The following PIK3AP1 variants were observed in gnomAD, a reference collection of about 807,000 sequenced individuals.
PIK3AP1 encodes the protein phosphoinositide-3-kinase adaptor protein 1, also known as phosphoinositide 3-kinase adapter protein 1.
PIK3AP1 carries 21 observed loss-of-function variants against 88.1 expected under a neutral mutation model. That is an observed-to-expected ratio of 0.24 (90% CI 0.17 to 0.34). PIK3AP1 has a LOEUF of 0.34. PIK3AP1 is among the 10% of genes least tolerant of loss of function. The probability of loss-of-function intolerance (pLI) is 1.00; values close to 1 mark genes in which losing one functional copy is unlikely to be tolerated. For synonymous variants in PIK3AP1, 398 were observed against 400.0 expected (o/e 1.00, Z 0.06); for missense variants, 828 against 1,035.7 (o/e 0.80, Z 2.75).
chr10:96,687,356 G>A (rs1032979460), intron 2 of PIK3AP1, among the ~76,000 whole-genome samples: 2 of 151,402 alleles, frequency 1.3e-5, no homozygotes, highest in Non-Finnish European at 2.9e-5. Flanking sequence ...CACAGAGCCT[G>A]GTCCATGGTG....
intron 3 of PIK3AP1, among the ~76,000 whole-genome samples, chr10:96,656,220 A>T (rs1212308198): frequency 6.6e-6 from 1 of 152,262 alleles, no homozygotes; most frequent in Non-Finnish European, 1.5e-5. Context: ...GGTAGGATTC[A>T]AATGGCAGTG....
At chr10:96,626,595 C>A in intron 10 of PIK3AP1, 113 bp downstream of exon 10, 1 of 1,166,958 alleles carries the variant, frequency 8.6e-7, no homozygotes, top group Non-Finnish European at 1.2e-6. Context: ...TGGTTGAAGA[C>A]CATTTAGAAG....
chr10:96,707,042 A>T (rs1194631503), intron 2 of PIK3AP1, among the ~76,000 whole-genome samples: 1 of 152,162 alleles, frequency 6.6e-6, no homozygotes, highest in Non-Finnish European at 1.5e-5. Flanking sequence ...GCTTATTTTA[A>T]TCTCCCATTA....
Position 96,720,266 on chromosome 10 carries a change from G to T in PIK3AP1, c.13+116C>A. ...GAACATAGAAAAGAGCAGAAAGAGGGCAAGATCCCCGCACAGAGGACGCAA... is the reference window on the plus strand; with the variant it reads ...GAACATAGAAAAGAGCAGAAAGAGGTCAAGATCCCCGCACAGAGGACGCAA... On this transcript the variant is annotated intron_variant, in intron 1 of 16. Coordinates refer to ENST00000339364, the MANE Select transcript of PIK3AP1 (RefSeq NM_152309.3). The surrounding 1 kb of genome is among the most constrained non-coding windows in gnomAD (Gnocchi z 4.6). The T allele has an allele frequency of 9.6e-7, 1 of 1,040,606 alleles. No homozygotes were observed. Among genetic ancestry groups the T allele is most frequent in the Non-Finnish European group, 1.2e-6 (1 of 809,292 alleles). The allele number at this position is 1,040,606 out of a possible 1,614,324, so 64.5% of individuals were successfully genotyped here.
At chr10:96,651,467 T>C in intron 5 of PIK3AP1, 42 bp downstream of exon 5, 1 of 1,614,024 alleles carries the variant, frequency 6.2e-7, no homozygotes, top group Non-Finnish European at 8.5e-7. Flanking sequence ...TGAGCAGAAA[T>C]TACATGCCCA....
Position 96,716,186 on chromosome 10 carries a change from C to A in PIK3AP1, c.13+4196G>T, listed in dbSNP as rs1172481. On this transcript the variant is annotated intron_variant, in intron 1 of 16. Coordinates refer to ENST00000339364, the MANE Select transcript of PIK3AP1 (RefSeq NM_152309.3). ...AGTCCCAGCTACTCAGGAGGCTGAG[C>A]CATGAGAATTGTTTGAACCTGGGAG... is the stretch of plus-strand genomic sequence containing the variant. 7.1e-4 allele frequency among the ~76,000 whole-genome samples: 108 copies of A among 151,962 alleles called. 1 individual carries two copies. The highest frequency in any genetic ancestry group is 2.5e-3 in the African/African-American group (103 of 41,474).
intron 2 of PIK3AP1, among the ~76,000 whole-genome samples, chr10:96,698,134 C>A (rs1234162729): frequency 6.6e-6 from 1 of 152,208 alleles, no homozygotes; most frequent in Non-Finnish European, 1.5e-5. Flanking sequence ...TGATTCTGTC[C>A]TCACAAAGGC....
chr10:96,597,315 C>T (rs140779540), intron 16 of PIK3AP1, among the ~76,000 whole-genome samples: 2 of 129,218 alleles, frequency 1.5e-5, no homozygotes, highest in African/African-American at 3.0e-5. Context: ...TCCTTCCTTC[C>T]TTCCTTCCTT....
chr10:96,711,769 T>TG (rs1844440423), intron 1 of PIK3AP1, among the ~76,000 whole-genome samples: 1 of 126,150 alleles, frequency 7.9e-6, no homozygotes, highest in Non-Finnish European at 1.7e-5. Context: ...TTTTTTTTTT[T>TG]AGACGGAGTC....
At chr10:96,699,740 C>T (rs1349161993) in intron 2 of PIK3AP1, among the ~76,000 whole-genome samples, 1 of 152,206 alleles carries the variant, frequency 6.6e-6, no homozygotes, top group Admixed American at 6.5e-5. Flanking sequence ...CACCCTGATC[C>T]TAGCCCTAAT....
intron 2 of PIK3AP1, among the ~76,000 whole-genome samples, chr10:96,674,134 A>G (rs1259425173): frequency 6.6e-6 from 1 of 152,242 alleles, no homozygotes; most frequent in African/African-American, 2.4e-5. Flanking sequence ...CTGCATAAAT[A>G]TAGGCCAAAA....
chr10:96,613,620 C>T (rs1849164358), intron 13 of PIK3AP1, among the ~76,000 whole-genome samples: 1 of 152,190 alleles, frequency 6.6e-6, no homozygotes, highest in Non-Finnish European at 1.5e-5. Context: ...AAGCCATGCT[C>T]TTTTGGAAAA....
At position 96,659,127 on chromosome 10, in the gene PIK3AP1, C is replaced by T. The variant is rs1843652947; in HGVS notation, c.431-2193G>A. 6.0e-5 allele frequency among the ~76,000 whole-genome samples: 9 copies of T among 150,674 alleles called. 2 individuals carry two copies. In the South Asian group the frequency reaches 1.2e-3, roughly 21 times the overall value. The stretch of plus-strand genomic sequence containing the variant: ...AGCCAAAAACATCAGGGACAATTCA[C>T]ACAGTCTTCTTCTTAAGGATTTTAT... On this transcript the variant is annotated intron_variant, in intron 2 of 16. Coordinates refer to ENST00000339364, the MANE Select transcript of PIK3AP1 (RefSeq NM_152309.3).
At chr10:96,620,649 A>T in intron 11 of PIK3AP1, 92 bp from the exon 12 acceptor site, 4 of 1,076,042 alleles carry the variant, frequency 3.7e-6, no homozygotes, top group South Asian at 1.4e-5. Context: ...CACAGGCTCA[A>T]GAGGACTCTT....
At chr10:96,661,510 T>C (rs1013887486) in intron 2 of PIK3AP1, among the ~76,000 whole-genome samples, 24 of 152,186 alleles carry the variant, frequency 1.6e-4, no homozygotes, top group Admixed American at 1.5e-3. Flanking sequence ...TGGTGCTGGA[T>C]GTTGATGGGG....
chr10:96,673,459 G>A (rs1323767718), intron 2 of PIK3AP1, among the ~76,000 whole-genome samples: 1 of 152,130 alleles, frequency 6.6e-6, no homozygotes, highest in Non-Finnish European at 1.5e-5. Flanking sequence ...CCTCGTTCAG[G>A]AAACCCCAGT....
intron 8 of PIK3AP1, among the ~76,000 whole-genome samples, chr10:96,633,689 CAA>C (rs1377528649): frequency 6.6e-6 from 1 of 152,146 alleles, no homozygotes; most frequent in Non-Finnish European, 1.5e-5. Flanking sequence ...TGTCTGAACC[CAA>C]GTTTTCTGCC....
intron 1 of PIK3AP1, among the ~76,000 whole-genome samples, chr10:96,716,984 G>A (rs1589554989): frequency 6.6e-6 from 1 of 152,070 alleles, no homozygotes; most frequent in Admixed American, 6.6e-5. Context: ...ATGGAGGGCC[G>A]AGCGTGGTGG....
At chr10:96,713,909 C>T (rs1589553287) in intron 1 of PIK3AP1, among the ~76,000 whole-genome samples, 2 of 152,094 alleles carry the variant, frequency 1.3e-5, no homozygotes, top group African/African-American at 4.8e-5. Context: ...TGCGGTGGCT[C>T]AAGCCTGTAA....
Sources: allele counts gnomAD v4.1 joint callset (sites outside exome capture counted in the v4.1 genomes callset), GRCh38; gene constraint gnomAD v4.1.1; non-coding constraint Gnocchi (gnomAD v3.1); transcripts MANE v1.5; gene names NCBI Gene and HGNC (gene_info 2026-07-23, HGNC 2026-07-21).